KANTR: variants seen among roughly 807,000 people sequenced by gnomAD.
The protein encoded by KANTR is KANTR integral membrane protein.
chrX:53,122,793 C>T (rs1391846443), intron 2 of KANTR, among the ~76,000 whole-genome samples: 1 of 111,934 alleles, frequency 8.9e-6, no homozygotes, highest in African/African-American at 3.2e-5. Context: ...ATAAACACAA[C>T]TTGGTCATGG....
At chrX:53,108,140 C>T (rs1372554178) in intron 2 of KANTR, among the ~76,000 whole-genome samples, 7 of 108,877 alleles carry the variant, frequency 6.4e-5, no homozygotes, top group African/African-American at 2.0e-4. Context: ...CTGCCCGCCT[C>T]GGCCTCCCAA....
chrX:53,124,615 G>C (rs1179123942), exon 3 of KANTR: 1 of 292,688 alleles, frequency 3.4e-6, no homozygotes, highest in African/African-American at 2.7e-5. Flanking sequence ...TAGATATGTA[G>C]TATTTTCATT....
intron 2 of KANTR, among the ~76,000 whole-genome samples, chrX:53,106,906 C>T (rs1181091504): frequency 1.8e-5 from 2 of 109,832 alleles, no homozygotes; most frequent in Non-Finnish European, 3.8e-5. Context: ...TCACTTTAGC[C>T]CAGGAGTTCA....
chrX:53,138,980 TGTG>T (rs1419871029), intron 2 of KANTR, among the ~76,000 whole-genome samples: 3 of 109,939 alleles, frequency 2.7e-5, no homozygotes, highest in Non-Finnish European at 5.7e-5. Context: ...TTTGGGAGGT[TGTG>T]GTGGGCGGAT....
chrX:53,097,406 G>T (rs1444354906), intron 1 of KANTR, among the ~76,000 whole-genome samples: 1 of 82,022 alleles, frequency 1.2e-5, no homozygotes, highest in Admixed American at 1.9e-4. Context: ...AGGCTAGAAT[G>T]CAGTGGCACA....
intron 2 of KANTR, among the ~76,000 whole-genome samples, chrX:53,108,121 CCT>C (rs1932977170): frequency 9.1e-6 from 1 of 109,546 alleles, no homozygotes; most frequent in East Asian, 2.8e-4. Flanking sequence ...AAACTCCTGA[CCT>C]CATGATCTGC....
In KANTR at chrX:53,134,317, G is replaced by A. The variant is rs781925257; in HGVS notation, n.204-7531G>A. The stretch of plus-strand genomic sequence containing the variant: ...GTGGGGGTTGCAATGAGCTGAGATC[G>A]TGCCACTGCACTCCAGCCTGGGCAA... On this transcript the variant is annotated intron_variant and non_coding_transcript_variant, in intron 2 of 2. Transcript: ENST00000366185. Among the ~76,000 whole-genome samples the A allele has an allele frequency of 8.2e-5, 9 of 110,066 alleles. No individual in the cohort carries two copies. In the South Asian group the frequency reaches 3.6e-3, roughly 43 times the overall value.
chrX:53,103,103 G>C (rs889462726), intron 2 of KANTR, among the ~76,000 whole-genome samples: 3 of 106,899 alleles, frequency 2.8e-5, no homozygotes, highest in Non-Finnish European at 5.8e-5. Flanking sequence ...TCCTGCCTCA[G>C]CCTCCAGAGT....
intron 2 of KANTR, among the ~76,000 whole-genome samples, chrX:53,109,955 A>G (rs921216730): frequency 4.5e-5 from 5 of 110,582 alleles, no homozygotes; most frequent in Non-Finnish European, 9.5e-5. Flanking sequence ...GGGTTTCACC[A>G]TGTTGGCCAG....
chrX:53,099,808 C>G (rs1318125209), intron 2 of KANTR, among the ~76,000 whole-genome samples, 200 bp downstream of exon 2: 2 of 112,224 alleles, frequency 1.8e-5, no homozygotes, highest in Admixed American at 1.9e-4. Context: ...TTGTACATCT[C>G]CATCAGAGCT....
At chrX:53,125,170 A>T (rs1569239146) in exon 3 of KANTR, 1 of 111,618 alleles carries the variant, frequency 9.0e-6, no homozygotes, top group Non-Finnish European at 1.9e-5. Context: ...ATTCCTGATA[A>T]TGCATTTTTC....
At chrX:53,126,986 A>G (rs782609438) in exon 3 of KANTR, 2 of 110,320 alleles carry the variant, frequency 1.8e-5, no homozygotes, top group African/African-American at 3.3e-5. Flanking sequence ...GTCTCCTATC[A>G]CTCTCAATAT....
downstream of KANTR, chrX:53,142,736 A>G (rs1394423593): frequency 2.3e-6 from 1 of 432,553 alleles, no homozygotes. Flanking sequence ...ATCTGCTCGC[A>G]GTCCATTTAG....
intron 2 of KANTR, among the ~76,000 whole-genome samples, chrX:53,117,832 C>T (rs1450373164): frequency 9.1e-6 from 1 of 109,953 alleles, no homozygotes. Flanking sequence ...GTTGGCCAGG[C>T]TGGTCTTGAA....
intron 1 of KANTR, among the ~76,000 whole-genome samples, chrX:53,096,832 A>G (rs1391398762): frequency 9.3e-6 from 1 of 107,605 alleles, no homozygotes; most frequent in African/African-American, 3.4e-5. Flanking sequence ...TCAAAAAAAA[A>G]AGCAGTAAAA....
At chrX:53,113,359 ATC>A (rs1190167267) in intron 2 of KANTR, 1 of 119,031 alleles carries the variant, frequency 8.4e-6, no homozygotes. Context: ...AATAATTTCA[ATC>A]TCTCTGTTAA....
intron 2 of KANTR, among the ~76,000 whole-genome samples, chrX:53,116,987 T>C (rs1441191446): frequency 9.0e-6 from 1 of 111,706 alleles, no homozygotes; most frequent in African/African-American, 3.3e-5. Context: ...ATTAGATATA[T>C]GATAAAAGAA....
At chrX:53,126,150 C>T (rs968608538) in exon 3 of KANTR, 6 of 109,661 alleles carry the variant, frequency 5.5e-5, no homozygotes, top group African/African-American at 1.7e-4. Flanking sequence ...GCAGGGGGTC[C>T]TGCAGTTTTA....
chrX:53,124,064 TTTTG>T (rs3045219), exon 3 of KANTR: 5 of 230,618 alleles, frequency 2.2e-5, no homozygotes, highest in African/African-American at 3.0e-5. Flanking sequence ...GCCTGCTATT[TTTTG>T]TTTGTTTGTT....
Sources: gnomAD v4.1 joint callset for allele counts (sites outside exome capture counted in the v4.1 genomes callset) on GRCh38, gnomAD v4.1.1 for gene constraint, MANE v1.5 for transcripts, NCBI Gene and HGNC (gene_info 2026-07-23, HGNC 2026-07-21) for gene names.